The following SGIP1 variants were observed in gnomAD, a reference collection of about 807,000 sequenced individuals.
SGIP1 encodes the protein SH3GL interacting endocytic adaptor 1.
A neutral mutation model predicts 107.5 loss-of-function variants in SGIP1; 38 were observed. The ratio of observed to expected loss-of-function variants is 0.35; its 90% CI spans 0.27 to 0.46. SGIP1 has a LOEUF of 0.46. Among genes scored for constraint, SGIP1 ranks in the 20% least tolerant of loss-of-function variants. The probability of loss-of-function intolerance (pLI) is 1.00; values close to 1 mark genes in which losing one functional copy is unlikely to be tolerated. For missense variants in SGIP1, 929 were observed against 1,019.5 expected (o/e 0.91, Z 1.21); for synonymous variants, 365 against 366.1 (o/e 1.00, Z 0.03).
intron 17 of SGIP1, among the ~76,000 whole-genome samples, chr1:66,693,439 T>C (rs1021532385): frequency 2.6e-5 from 4 of 152,104 alleles, no homozygotes; most frequent in Non-Finnish European, 5.9e-5. Context: ...GAGATAACAA[T>C]AGAGATAATG....
chr1:66,698,308 A>T (rs2091304158), intron 18 of SGIP1, among the ~76,000 whole-genome samples: 1 of 151,820 alleles, frequency 6.6e-6, no homozygotes, highest in Non-Finnish European at 1.5e-5. Context: ...TCACTGAAAT[A>T]TTAATTTATG....
chr1:66,555,810 C>A (rs2058091320), intron 1 of SGIP1, among the ~76,000 whole-genome samples: 1 of 152,100 alleles, frequency 6.6e-6, no homozygotes, highest in African/African-American at 2.4e-5. Context: ...GGCCCAGTTC[C>A]AAGTGCATTA....
chr1:66,695,036 T>C (rs1053885324), intron 17 of SGIP1: 3 of 332,554 alleles, frequency 9.0e-6, no homozygotes, highest in African/African-American at 4.2e-5. Context: ...GTTTATCTTT[T>C]TGGAAACATA....
chr1:66,740,676 A>G lies in SGIP1; in HGVS notation c.2253A>G (p.Arg751=). ...TTTTTAGGAATGCTGAACAACAGAG[A>G]ATATTGTGGAAGATTCCTGATATCT... ...PPAVWNAEQQ[R]ILWKIPDISQ... is the part of the protein sequence containing the mutation. The change falls in exon 23 of 25, where the codon AGA becomes AGG. Residue 751 remains arginine, a synonymous_variant. Coordinates refer to ENST00000371037, the MANE Select transcript of SGIP1 (RefSeq NM_032291.4). 2 of 1,607,802 alleles carry G rather than the reference A, an allele frequency of 1.2e-6. No homozygotes were observed. The highest frequency in any genetic ancestry group is 1.7e-6 in the Non-Finnish European group (2 of 1,175,646).
At chr1:66,696,945 C>A (rs1240166581) in intron 18 of SGIP1, among the ~76,000 whole-genome samples, 1 of 152,186 alleles carries the variant, frequency 6.6e-6, no homozygotes, top group African/African-American at 2.4e-5. Flanking sequence ...TGAAGTAAAG[C>A]AATACCTGCA....
At chr1:66,570,574 T>G (rs2060246869) in intron 1 of SGIP1, among the ~76,000 whole-genome samples, 1 of 151,936 alleles carries the variant, frequency 6.6e-6, no homozygotes, top group Admixed American at 6.6e-5. Context: ...TTTCCTATTT[T>G]AGAAATTTCA....
chr1:66,681,871 A>G lies in SGIP1; in HGVS notation c.817A>G (p.Asn273Asp). 1 of 1,609,964 alleles carries G rather than the reference A, an allele frequency of 6.2e-7. No individual in the cohort carries two copies. The change falls in exon 15 of 25, where the codon AAT (asparagine) becomes GAT (aspartate). Residue 273 changes from asparagine to aspartate, a missense_variant and splice_region_variant. Physicochemically the swap from Asn to Asp is conservative, Grantham distance 23 (BLOSUM62 1). Coordinates refer to ENST00000371037, the MANE Select transcript of SGIP1 (RefSeq NM_032291.4). ...AAAATCAACTACTTTAACCACAGGA[A>G]ATGACCAGTCAGCCACAGAGGTCAA... ...TGSPLTIGPG[N>D]DQSATEVKIE...
At chr1:66,621,370 G>T (rs986293721) in intron 1 of SGIP1, among the ~76,000 whole-genome samples, 1 of 152,108 alleles carries the variant, frequency 6.6e-6, no homozygotes, top group African/African-American at 2.4e-5. Flanking sequence ...TTCCCCACTT[G>T]TTCCCATCCT....
chr1:66,684,095 C>T (rs1206356403), intron 15 of SGIP1: 3 of 1,550,212 alleles, frequency 1.9e-6, no homozygotes, highest in Non-Finnish European at 2.6e-6. Context: ...TGTTATCTTT[C>T]CCTTTTTACA....
Position 66,660,380 on chromosome 1 carries a change from C to T in SGIP1, c.460-133C>T, listed in dbSNP as rs2081225025. The T allele has an allele frequency of 1.1e-5, 9 of 784,492 alleles. 1 individual carries two copies. In the South Asian group the frequency reaches 1.2e-4, roughly 10 times the overall value. 48.6% of individuals were successfully genotyped at this position (784,492 alleles called of 1,614,324 possible). The stretch of plus-strand genomic sequence containing the variant: ...GACCATATCAGACCCCCACAGGAAG[C>T]ATTTATAAAAGCAGTGCCTTCGAGA... On this transcript the variant is annotated intron_variant, in intron 7 of 24. Coordinates refer to ENST00000371037, the MANE Select transcript of SGIP1 (RefSeq NM_032291.4).
At position 66,745,878 on chromosome 1, in the gene SGIP1, TATC is replaced by T. The variant is rs1157809170; in HGVS notation, c.*2786_*2788del. 9 of 152,272 alleles carry T rather than the reference TATC, an allele frequency of 5.9e-5. No homozygotes were observed. The highest frequency in any genetic ancestry group is 5.8e-4 in the East Asian group (3 of 5,192). The allele number at this position is 152,272 out of a possible 1,614,324, so 9.4% of individuals were successfully genotyped here. A position where few individuals can be genotyped will look rare whatever the true frequency, so the allele number is the denominator to read the frequency against. ...TTGTATCAAGGATTAGTCTGAATTTTATCATAATAGAAATTTATAATTACTAAG... is the reference window on the plus strand; with the variant it reads ...TTGTATCAAGGATTAGTCTGAATTTTATAATAGAAATTTATAATTACTAAG... On this transcript the variant is annotated 3_prime_UTR_variant, in exon 25 of 25. Coordinates refer to ENST00000371037, the MANE Select transcript of SGIP1 (RefSeq NM_032291.4).
At chr1:66,617,949 A>G (rs1032528906) in intron 1 of SGIP1, among the ~76,000 whole-genome samples, 5 of 152,192 alleles carry the variant, frequency 3.3e-5, no homozygotes, top group African/African-American at 1.2e-4. Context: ...AGTCAGGCAG[A>G]GGGTGTTTTA....
intron 2 of SGIP1, among the ~76,000 whole-genome samples, chr1:66,627,031 T>C (rs576846764): frequency 6.6e-6 from 1 of 152,338 alleles, no homozygotes; most frequent in South Asian, 2.1e-4. Flanking sequence ...AAATATCTAC[T>C]ACATAAATTA....
At chr1:66,717,321 A>G (rs1168095871) in intron 18 of SGIP1, among the ~76,000 whole-genome samples, 2 of 152,142 alleles carry the variant, frequency 1.3e-5, no homozygotes, top group African/African-American at 4.8e-5. Flanking sequence ...TGAGTGATGA[A>G]ATAAACTGAA....
intron 19 of SGIP1, among the ~76,000 whole-genome samples, chr1:66,725,494 C>T (rs1378120345): frequency 2.0e-5 from 3 of 152,166 alleles, no homozygotes; most frequent in African/African-American, 7.2e-5. Flanking sequence ...CTACAAGAGT[C>T]AGCTGTGGAG....
intron 1 of SGIP1, among the ~76,000 whole-genome samples, chr1:66,580,241 C>A (rs976544607): frequency 6.6e-6 from 1 of 152,134 alleles, no homozygotes; most frequent in Non-Finnish European, 1.5e-5. Flanking sequence ...CCTATATAAC[C>A]TAAGGCCCCA....
chr1:66,720,805 T>C (rs2093493283), intron 19 of SGIP1, among the ~76,000 whole-genome samples: 1 of 152,078 alleles, frequency 6.6e-6, no homozygotes, highest in Non-Finnish European at 1.5e-5. Context: ...CTATAAAAAT[T>C]TTTTGAAACA....
At chr1:66,568,100 G>C (rs1028397876) in intron 1 of SGIP1, among the ~76,000 whole-genome samples, 6 of 152,078 alleles carry the variant, frequency 3.9e-5, no homozygotes, top group Non-Finnish European at 5.9e-5. Context: ...TGGGTAGTAT[G>C]GCCATTTTCA....
At chr1:66,732,910 G>A (rs750055300) in intron 20 of SGIP1, among the ~76,000 whole-genome samples, 2 of 152,172 alleles carry the variant, frequency 1.3e-5, no homozygotes, top group Admixed American at 6.5e-5. Context: ...GTCAGCAAAT[G>A]TGTGTGACAA....
Sources: gnomAD v4.1 joint callset for allele counts (sites outside exome capture counted in the v4.1 genomes callset) on GRCh38, gnomAD v4.1.1 for gene constraint, MANE v1.5 for transcripts, NCBI Gene and HGNC (gene_info 2026-07-23, HGNC 2026-07-21) for gene names.